The following RGL1 variants were observed in gnomAD, a reference collection of about 807,000 sequenced individuals.
RGL1 encodes the protein ral guanine nucleotide dissociation stimulator like 1.
Under a neutral mutation model 95.2 loss-of-function variants are expected in RGL1, and 24 were observed. That is an observed-to-expected ratio of 0.25 (90% confidence interval 0.18 to 0.35). The LOEUF (loss-of-function observed/expected upper bound fraction) is 0.35. Among genes scored for constraint, RGL1 ranks in the 10% least tolerant of loss-of-function variants. The pLI is 1.00. For synonymous variants in RGL1, 329 were observed against 344.9 expected (o/e 0.95, Z 0.51); for missense variants, 715 against 936.3 (o/e 0.76, Z 3.08).
chr1:183,676,498 T>C (rs1652837309), intron 1 of RGL1, among the ~76,000 whole-genome samples: 1 of 151,938 alleles, frequency 6.6e-6, no homozygotes, highest in African/African-American at 2.4e-5. Context: ...CTTGCCACAC[T>C]GAACACAGTT....
At chr1:183,869,737 G>GCTTTGT (rs1329670416) in intron 4 of RGL1, among the ~76,000 whole-genome samples, 8 of 152,060 alleles carry the variant, frequency 5.3e-5, no homozygotes, top group African/African-American at 9.7e-5. Context: ...TAGGGTCACT[G>GCTTTGT]CTTTGTCTTT....
In RGL1 at chr1:183,792,165, TG is replaced by T. The variant is rs146733737; in HGVS notation, c.133-14206del. On this transcript the variant is annotated intron_variant, in intron 2 of 18. Coordinates refer to the RGL1 transcript ENST00000304685. ...CTAGTCTTAAAACCTTGCAGTTTTGTGGGGTTTTTTTTTTGTTTGTTTTGCT... is the reference window on the plus strand; with the variant it reads ...CTAGTCTTAAAACCTTGCAGTTTTGTGGGTTTTTTTTTTGTTTGTTTTGCT... Among the ~76,000 whole-genome samples the T allele has an allele frequency of 1.8e-3, 271 of 152,050 alleles. 5 individuals are homozygous for T. The East Asian group carries it at 0.041, about 23-fold the overall frequency.
At chr1:183,638,745 T>C (rs552587452) in intron 1 of RGL1, among the ~76,000 whole-genome samples, 1 of 151,660 alleles carries the variant, frequency 6.6e-6, no homozygotes, top group Non-Finnish European at 1.5e-5. Context: ...ATTTTACTTG[T>C]TGTGCAAATA....
At chr1:183,652,006 A>G (rs2102001281) in intron 1 of RGL1, among the ~76,000 whole-genome samples, 1 of 152,344 alleles carries the variant, frequency 6.6e-6, no homozygotes, top group Non-Finnish European at 1.5e-5. Flanking sequence ...CCGGACATCC[A>G]GGTTACTGCT....
intron 3 of RGL1, among the ~76,000 whole-genome samples, chr1:183,849,870 A>G (rs766022395): frequency 3.3e-5 from 5 of 152,162 alleles, no homozygotes; most frequent in Non-Finnish European, 7.4e-5. Context: ...TGAGAATTCT[A>G]TAGGATAATG....
At chr1:183,648,242 T>C (rs1386455732) in intron 1 of RGL1, 1 of 1,614,156 alleles carries the variant, frequency 6.2e-7, no homozygotes, top group Non-Finnish European at 8.5e-7. Flanking sequence ...CCCGCGGCCA[T>C]AAGCTGGCCA....
At chr1:183,904,188 CAA>C (rs776488706) in intron 12 of RGL1, among the ~76,000 whole-genome samples, 2 of 152,104 alleles carry the variant, frequency 1.3e-5, no homozygotes, top group African/African-American at 2.4e-5. Context: ...TTGAAACATC[CAA>C]ATAAGTATAA....
intron 1 of RGL1, among the ~76,000 whole-genome samples, chr1:183,677,923 G>T (rs544735238): frequency 1.3e-5 from 2 of 152,170 alleles, no homozygotes; most frequent in South Asian, 4.1e-4. Context: ...CTGAACAGAG[G>T]TTCTTGATAA....
intron 17 of RGL1, among the ~76,000 whole-genome samples, chr1:183,924,863 G>A (rs977396243): frequency 4.6e-5 from 7 of 151,814 alleles, no homozygotes; most frequent in Non-Finnish European, 1.0e-4. Flanking sequence ...CTACTTGGGG[G>A]GCTGAGACAG....
At chr1:183,788,137 A>G (rs547114861) in intron 2 of RGL1, among the ~76,000 whole-genome samples, 16 of 152,310 alleles carry the variant, frequency 1.1e-4, no homozygotes, top group African/African-American at 3.8e-4. Flanking sequence ...GTCAGGGTTC[A>G]CTACAGATAC....
In RGL1 at chr1:183,904,960, A is replaced by C. The variant is rs1054142422; in HGVS notation, c.1461A>C (p.Thr487=). ...GGTTCCAGAGGCAGCAGCTCCTGAC[A>C]GAGGAGGAGAGGTGGGATCACCTGT... ...IQWFQRQQLL[T]EEESYALSCE... Residue 487 remains threonine (T), a synonymous_variant, in exon 13 of 18, where the codon ACA becomes ACC. Coordinates refer to ENST00000360851, the MANE Select transcript of RGL1 (RefSeq NM_001297671.3). 2.7e-5 allele frequency: 43 copies of C among 1,612,222 alleles called. No individual in the cohort carries two copies. Among genetic ancestry groups the C allele is most frequent in the Non-Finnish European group, 3.6e-5 (42 of 1,179,440 alleles).
intron 1 of RGL1, among the ~76,000 whole-genome samples, chr1:183,687,929 A>T (rs1488990705): frequency 6.6e-6 from 1 of 152,160 alleles, no homozygotes; most frequent in East Asian, 1.9e-4. Flanking sequence ...AGAGAGATTG[A>T]TTGGTCATTC....
chr1:183,787,383 A>G (rs897129332), intron 2 of RGL1, among the ~76,000 whole-genome samples: 3 of 152,112 alleles, frequency 2.0e-5, no homozygotes, highest in Non-Finnish European at 4.4e-5. Context: ...CAGTACTTCT[A>G]AAGTTGTCTT....
intron 1 of RGL1, among the ~76,000 whole-genome samples, chr1:183,717,095 G>A (rs1010875343): frequency 7.2e-5 from 11 of 152,298 alleles, no homozygotes. Flanking sequence ...TTTCCAAAGG[G>A]TTAGGTGTTA....
At chr1:183,708,583 G>A (rs1655065744) in intron 1 of RGL1, among the ~76,000 whole-genome samples, 1 of 152,224 alleles carries the variant, frequency 6.6e-6, no homozygotes, top group African/African-American at 2.4e-5. Context: ...GCCCAGCCTA[G>A]TGACACAGAG....
intron 3 of RGL1, among the ~76,000 whole-genome samples, chr1:183,865,142 C>T (rs9425323): frequency 0.14 from 21,557 of 152,066 alleles, 1,625 homozygotes; most frequent in Non-Finnish European, 0.17. Flanking sequence ...ATTTAAAGTG[C>T]GTTTACTAAG....
At chr1:183,726,868 T>C (rs914082825) in intron 1 of RGL1, among the ~76,000 whole-genome samples, 2 of 152,190 alleles carry the variant, frequency 1.3e-5, no homozygotes, top group African/African-American at 2.4e-5. Context: ...CCAATGAGCA[T>C]GTTCTGTGAG....
intron 14 of RGL1, among the ~76,000 whole-genome samples, chr1:183,909,862 GTA>G (rs1418239068): frequency 6.6e-6 from 1 of 152,014 alleles, no homozygotes; most frequent in Non-Finnish European, 1.5e-5. Flanking sequence ...TCTGTTAACG[GTA>G]AACCTTCTCA....
chr1:183,762,465 A>G (rs966246981), intron 2 of RGL1, among the ~76,000 whole-genome samples: 1 of 152,214 alleles, frequency 6.6e-6, no homozygotes, highest in Non-Finnish European at 1.5e-5. Flanking sequence ...TCCAGCCTAC[A>G]TCATGCTTTG....
Sources: allele counts gnomAD v4.1 joint callset (sites outside exome capture counted in the v4.1 genomes callset), GRCh38; gene constraint gnomAD v4.1.1; transcripts MANE v1.5; gene names NCBI Gene and HGNC (gene_info 2026-07-23, HGNC 2026-07-21).